CUL2: variants seen among roughly 807,000 people sequenced by gnomAD.
CUL2 encodes the protein cullin 2.
Under a neutral mutation model 110.2 loss-of-function variants are expected in CUL2, and 22 were observed. The observed-to-expected ratio is 0.20, with a 90% CI of 0.14 to 0.28. The LOEUF (loss-of-function observed/expected upper bound fraction) is 0.28. Ranked by LOEUF, CUL2 falls within the 10% of genes least tolerant of loss-of-function variation. The pLI, the probability that CUL2 is intolerant of heterozygous loss-of-function variation, is 1.00. For missense variants in CUL2, 631 were observed against 905.5 expected, an observed-to-expected ratio of 0.70 and a Z score of 3.89; for synonymous variants, 279 against 293.2, an observed-to-expected ratio of 0.95 and a Z score of 0.49.
intron 16 of CUL2, among the ~76,000 whole-genome samples, chr10:35,027,247 C>T (rs1034513051): frequency 9.9e-5 from 15 of 151,560 alleles, no homozygotes; most frequent in Non-Finnish European, 1.9e-4. Flanking sequence ...TGGGTTCAAC[C>T]GATTCTCTTG....
chr10:35,017,506 C>T (rs2085065975), intron 17 of CUL2, among the ~76,000 whole-genome samples: 1 of 152,028 alleles, frequency 6.6e-6, no homozygotes, highest in South Asian at 2.1e-4. Flanking sequence ...CCAGCCTGGT[C>T]AACATGGCGA....
intron 3 of CUL2, 87 bp from the exon 4 acceptor site, chr10:35,061,055 AAAT>A (rs1450315697): frequency 3.0e-6 from 4 of 1,355,178 alleles, no homozygotes; most frequent in Non-Finnish European, 3.0e-6. Context: ...TAATGTTCTA[AAAT>A]AATTTACATA....
chr10:35,104,745 G>C (rs564979559), intron 1 of CUL2, among the ~76,000 whole-genome samples: 12 of 151,822 alleles, frequency 7.9e-5, no homozygotes, highest in Non-Finnish European at 4.4e-5. Flanking sequence ...ACTTTTCTGG[G>C]GGGGGGACAG....
intron 5 of CUL2, among the ~76,000 whole-genome samples, chr10:35,050,502 G>A (rs572760902): frequency 1.3e-4 from 20 of 151,994 alleles, no homozygotes; most frequent in African/African-American, 3.1e-4. Context: ...AGAGCAAGTC[G>A]GTTAAAAGAG....
intron 1 of CUL2, among the ~76,000 whole-genome samples, chr10:35,108,016 T>TGAAGAA (rs1798026568): frequency 6.6e-6 from 1 of 152,038 alleles, no homozygotes; most frequent in Admixed American, 6.6e-5. Flanking sequence ...TTCATTGCAA[T>TGAAGAA]TATTTAGGCA....
At chr10:35,067,453 A>G (rs2086561366) in intron 2 of CUL2, among the ~76,000 whole-genome samples, 1 of 152,158 alleles carries the variant, frequency 6.6e-6, no homozygotes. Flanking sequence ...TCCAAAAATC[A>G]AAGAATTCAC....
chr10:35,044,359 G>A (rs1233105917), intron 8 of CUL2, among the ~76,000 whole-genome samples: 2 of 152,014 alleles, frequency 1.3e-5, no homozygotes, highest in Admixed American at 1.3e-4. Context: ...CATCAATTAT[G>A]ATGAAAACTG....
rs562934393 is a variant in CUL2 at position 35,034,204 on chromosome 10, C to CA, written c.1003-932dup. 5.3e-5 allele frequency among the ~76,000 whole-genome samples: 8 copies of CA among 152,302 alleles called. No homozygotes were observed. In the South Asian group the frequency reaches 1.7e-3, roughly 32 times the overall value. On this transcript the variant is annotated intron_variant, in intron 10 of 20. Transcript: ENST00000374749. ...ATGTTTCCATCTCCCAGCCTTGACACAAAATTCGATGCTTCTATGCCCAAT... is the reference window on the plus strand; with the variant it reads ...ATGTTTCCATCTCCCAGCCTTGACACAAAAATTCGATGCTTCTATGCCCAAT...
intron 16 of CUL2, among the ~76,000 whole-genome samples, chr10:35,027,586 A>C (rs2085368530): frequency 1.3e-5 from 2 of 152,220 alleles, no homozygotes; most frequent in Non-Finnish European, 2.9e-5. Flanking sequence ...CTTTGGTGTA[A>C]AATAAAGGTA....
intron 2 of CUL2, among the ~76,000 whole-genome samples, chr10:35,067,829 C>T (rs147855716): frequency 1.9e-4 from 29 of 152,012 alleles, no homozygotes; most frequent in African/African-American, 5.3e-4. Flanking sequence ...ACAAAAGGGC[C>T]GGACGTGGTG....
intron 4 of CUL2, among the ~76,000 whole-genome samples, chr10:35,056,788 T>C (rs1225443032): frequency 1.3e-5 from 2 of 152,176 alleles, no homozygotes; most frequent in Non-Finnish European, 2.9e-5. Flanking sequence ...TCCAAACCAG[T>C]TTTCTTTTCT....
At chr10:35,033,408 G>T in intron 10 of CUL2, 135 bp from the exon 11 acceptor site, 1 of 625,764 alleles carries the variant, frequency 1.6e-6, no homozygotes, top group Non-Finnish European at 2.8e-6. Flanking sequence ...CTCAGAAAAT[G>T]GTTTTAGCTA....
chr10:35,039,423 C>T (rs567914257), intron 8 of CUL2, among the ~76,000 whole-genome samples: 1 of 137,234 alleles, frequency 7.3e-6, no homozygotes, highest in South Asian at 2.4e-4. Flanking sequence ...AACAGGTGAT[C>T]TCTGTTATGA....
At chr10:35,067,248 A>G (rs1187899539) in intron 2 of CUL2, among the ~76,000 whole-genome samples, 1 of 152,152 alleles carries the variant, frequency 6.6e-6, no homozygotes, top group Admixed American at 6.5e-5. Context: ...GGAAGGCAAT[A>G]TTAAGTCTCC....
intron 6 of CUL2, among the ~76,000 whole-genome samples, chr10:35,045,247 A>C (rs938200444): frequency 7.2e-5 from 11 of 152,336 alleles, no homozygotes; most frequent in Admixed American, 1.3e-4. Context: ...ACAAAGTCTT[A>C]ATCATATTAA....
At chr10:35,024,946 A>C (rs1259959649) in intron 17 of CUL2, among the ~76,000 whole-genome samples, 186 bp downstream of exon 17, 2 of 152,232 alleles carry the variant, frequency 1.3e-5, no homozygotes, top group African/African-American at 4.8e-5. Context: ...GATTATAAAC[A>C]GTGTAATTAT....
At chr10:35,110,334 C>T (rs2087510205) in intron 1 of CUL2, among the ~76,000 whole-genome samples, 1 of 152,094 alleles carries the variant, frequency 6.6e-6, no homozygotes, top group African/African-American at 2.4e-5. Flanking sequence ...GAGGCCAAGG[C>T]AGGTGAATCA....
At chr10:35,103,751 T>C (rs1463938975) in intron 1 of CUL2, among the ~76,000 whole-genome samples, 1 of 152,134 alleles carries the variant, frequency 6.6e-6, no homozygotes, top group African/African-American at 2.4e-5. Context: ...TGGGCCACCA[T>C]ACCTGGCTGC....
intron 2 of CUL2, among the ~76,000 whole-genome samples, chr10:35,095,891 C>T (rs916164126): frequency 1.3e-5 from 2 of 152,052 alleles, no homozygotes; most frequent in Non-Finnish European, 2.9e-5. Flanking sequence ...ATTTTTCTAC[C>T]TTTTATTTTG....
Sources: allele counts gnomAD v4.1 joint callset (sites outside exome capture counted in the v4.1 genomes callset), GRCh38; gene constraint gnomAD v4.1.1; transcripts MANE v1.5; gene names NCBI Gene and HGNC (gene_info 2026-07-23, HGNC 2026-07-21).